ASAP1: variants seen among roughly 807,000 people sequenced by gnomAD.
The protein encoded by ASAP1 is arf-GAP with SH3 domain, ANK repeat and PH domain-containing protein 1.
A neutral mutation model predicts 145.2 loss-of-function variants in ASAP1; 43 were observed. The observed-to-expected ratio is 0.30, with a 90% CI of 0.23 to 0.38. The LOEUF is 0.38. ASAP1 is among the 10% of genes least tolerant of loss of function. The pLI, the probability that ASAP1 is intolerant of heterozygous loss-of-function variation, is 1.00. For missense variants in ASAP1, 1,018 were observed against 1,355.3 expected, an observed-to-expected ratio of 0.75 and a Z score of 3.91; for synonymous variants, 546 against 515.5, an observed-to-expected ratio of 1.06 and a Z score of -0.80.
At chr8:130,339,317 G>A (rs531888068) in intron 3 of ASAP1, among the ~76,000 whole-genome samples, 13 of 152,118 alleles carry the variant, frequency 8.5e-5, no homozygotes, top group East Asian at 1.9e-4. Flanking sequence ...AATTTAAGAC[G>A]CTGGAAACTT....
intron 5 of ASAP1, 50 bp from the exon 6 acceptor site, chr8:130,188,233 T>C: frequency 6.9e-7 from 1 of 1,447,234 alleles, no homozygotes; most frequent in Non-Finnish European, 9.7e-7. Flanking sequence ...AAAGTCCACA[T>C]GAACAATAAA....
intron 7 of ASAP1, among the ~76,000 whole-genome samples, chr8:130,181,427 G>A (rs1003316548): frequency 6.6e-6 from 1 of 152,144 alleles, no homozygotes; most frequent in Non-Finnish European, 1.5e-5. Context: ...GAGACATGAG[G>A]CTTTCCTTGA....
At chr8:130,412,600 G>T (rs1829314004) in intron 1 of ASAP1, among the ~76,000 whole-genome samples, 1 of 151,892 alleles carries the variant, frequency 6.6e-6, no homozygotes, top group African/African-American at 2.4e-5. Flanking sequence ...TTATAACAAT[G>T]CAAGAATGAC....
At chr8:130,206,620 A>G (rs1285285334) in intron 5 of ASAP1, among the ~76,000 whole-genome samples, 1 of 152,182 alleles carries the variant, frequency 6.6e-6, no homozygotes, top group Non-Finnish European at 1.5e-5. Flanking sequence ...AAGCTATAGA[A>G]TTGTCCAAAG....
At chr8:130,265,318 C>T (rs976750585) in intron 3 of ASAP1, among the ~76,000 whole-genome samples, 3 of 152,136 alleles carry the variant, frequency 2.0e-5, no homozygotes, top group African/African-American at 7.2e-5. Flanking sequence ...CCCCTGTAAT[C>T]CTGGCACTTT....
At chr8:130,186,386 T>C (rs1814732261) in intron 7 of ASAP1, among the ~76,000 whole-genome samples, 1 of 152,184 alleles carries the variant, frequency 6.6e-6, no homozygotes, top group Non-Finnish European at 1.5e-5. Flanking sequence ...CCTGCTGCTA[T>C]TGCTGCCTAC....
At chr8:130,400,877 T>A (rs897663723) in intron 2 of ASAP1, among the ~76,000 whole-genome samples, 8 of 151,826 alleles carry the variant, frequency 5.3e-5, no homozygotes, top group Non-Finnish European at 1.2e-4. Flanking sequence ...GTAAAATGAA[T>A]GTAGAAATTC....
At chr8:130,113,092 G>C (rs778047984) in intron 23 of ASAP1, among the ~76,000 whole-genome samples, 1 of 152,192 alleles carries the variant, frequency 6.6e-6, no homozygotes, top group Non-Finnish European at 1.5e-5. Context: ...ACTGCAGCCA[G>C]AGCTGGTGGG....
At chr8:130,056,974 G>A (rs1564909803) in intron 29 of ASAP1, among the ~76,000 whole-genome samples, 1 of 152,240 alleles carries the variant, frequency 6.6e-6, no homozygotes, top group Non-Finnish European at 1.5e-5. Flanking sequence ...CTCACAGCCT[G>A]GGTACCTAGC....
intron 1 of ASAP1, among the ~76,000 whole-genome samples, chr8:130,417,619 GAAAA>G (rs796254952): frequency 7.4e-6 from 1 of 134,410 alleles, no homozygotes; most frequent in Non-Finnish European, 1.6e-5. Context: ...GGCTTCAGGG[GAAAA>G]AAAAAAAAAA....
intron 25 of ASAP1, among the ~76,000 whole-genome samples, chr8:130,087,296 G>A (rs2097495633): frequency 6.6e-6 from 1 of 152,132 alleles, no homozygotes; most frequent in East Asian, 1.9e-4. Flanking sequence ...GAGATGGGTG[G>A]ATCACTTGAG....
intron 3 of ASAP1, among the ~76,000 whole-genome samples, chr8:130,306,504 GC>G (rs1477605107): frequency 6.6e-6 from 1 of 151,984 alleles, no homozygotes; most frequent in Non-Finnish European, 1.5e-5. Flanking sequence ...TTAACATAAA[GC>G]CCCCAAGGAT....
intron 2 of ASAP1, among the ~76,000 whole-genome samples, chr8:130,384,417 C>G (rs72724466): frequency 6.6e-6 from 1 of 152,290 alleles, no homozygotes; most frequent in African/African-American, 2.4e-5. Flanking sequence ...CTCAGAGAAC[C>G]CCACTGCTGG....
intron 5 of ASAP1, among the ~76,000 whole-genome samples, chr8:130,200,893 A>G (rs1815826693): frequency 6.6e-6 from 1 of 152,244 alleles, no homozygotes; most frequent in Non-Finnish European, 1.5e-5. Flanking sequence ...CAATTAATAT[A>G]AAAGTGAATC....
rs551637215 is a variant in ASAP1 at position 130,351,308 on chromosome 8, T to C, written c.186+6709A>G. Among the ~76,000 whole-genome samples, 10 of 152,372 alleles carry C rather than the reference T, an allele frequency of 6.6e-5. No individual in the cohort carries two copies. The East Asian group carries it at 9.6e-4, about 15-fold the overall frequency. On this transcript the variant is annotated intron_variant, in intron 3 of 29. Transcript: ENST00000518721. ...CCCAAGTCTACCATTTACCACTGTG[T>C]GATCTTGGACAAGTTATTTAATGTC... is the stretch of plus-strand genomic sequence containing the variant.
chr8:130,265,832 G>A (rs1820209567), intron 3 of ASAP1, among the ~76,000 whole-genome samples: 1 of 152,138 alleles, frequency 6.6e-6, no homozygotes, highest in Non-Finnish European at 1.5e-5. Flanking sequence ...CCAAGACTGC[G>A]CCACTGTACT....
At chr8:130,268,537 C>A (rs372275969) in intron 3 of ASAP1, among the ~76,000 whole-genome samples, 1 of 113,032 alleles carries the variant, frequency 8.8e-6, no homozygotes, top group Non-Finnish European at 1.9e-5. Context: ...ACACACACAA[C>A]TGTGTAACTA....
intron 3 of ASAP1, among the ~76,000 whole-genome samples, chr8:130,246,258 A>C (rs527742589): frequency 1.3e-5 from 2 of 152,248 alleles, no homozygotes; most frequent in South Asian, 4.2e-4. Context: ...GCCTCCTATC[A>C]TATCAACAAC....
At chr8:130,092,938 T>TAAAAA (rs35191776) in intron 24 of ASAP1, among the ~76,000 whole-genome samples, 1 of 137,332 alleles carries the variant, frequency 7.3e-6, no homozygotes, top group South Asian at 2.4e-4. Context: ...ACGCTTTTCT[T>TAAAAA]AAAAAAAAAA....
Sources: allele counts gnomAD v4.1 joint callset (sites outside exome capture counted in the v4.1 genomes callset), GRCh38; gene constraint gnomAD v4.1.1; transcripts MANE v1.5; gene names NCBI Gene and HGNC (gene_info 2026-07-23, HGNC 2026-07-21).